FGF14: variants seen among roughly 807,000 people sequenced by gnomAD.
FGF14 encodes fibroblast growth factor 14, also known as fibroblast growth factor homologous factor 4.
Under a neutral mutation model 25.5 loss-of-function variants are expected in FGF14, and 5 were observed. The ratio of observed to expected loss-of-function variants is 0.20; its 90% CI spans 0.10 to 0.41. The LOEUF is 0.41. Among genes scored for constraint, FGF14 ranks in the 10% least tolerant of loss-of-function variants. The pLI, the probability that FGF14 is intolerant of heterozygous loss-of-function variation, is 1.00. For synonymous variants in FGF14, 138 were observed against 118.3 expected (o/e 1.17, Z -1.08); for missense variants, 222 against 320.1 (o/e 0.69, Z 2.34).
intron 1 of FGF14, among the ~76,000 whole-genome samples, chr13:102,307,061 G>C (rs908393175): frequency 3.3e-5 from 5 of 152,072 alleles, no homozygotes; most frequent in Admixed American, 6.6e-5. Context: ...CTTAAAAGTG[G>C]AGATTTCCCA....
intron 1 of FGF14, among the ~76,000 whole-genome samples, chr13:102,192,601 T>TAGGTA (rs1264147789): frequency 6.6e-6 from 1 of 152,180 alleles, no homozygotes; most frequent in African/African-American, 2.4e-5. Context: ...CTTCAACAAT[T>TAGGTA]TGATTAGGTA....
chr13:101,990,113 A>G (rs2038814696), intron 1 of FGF14, among the ~76,000 whole-genome samples: 1 of 151,944 alleles, frequency 6.6e-6, no homozygotes. Flanking sequence ...AACAAGAAAA[A>G]CTCTAATTGA....
At chr13:102,300,928 C>G (rs931445821) in intron 1 of FGF14, among the ~76,000 whole-genome samples, 10 of 83,576 alleles carry the variant, frequency 1.2e-4, no homozygotes, top group Admixed American at 7.1e-4. Context: ...CAGACACACA[C>G]ACACACACAT....
intron 3 of FGF14, among the ~76,000 whole-genome samples, chr13:101,860,100 T>C (rs555469553): frequency 1.5e-4 from 23 of 152,196 alleles, no homozygotes; most frequent in Admixed American, 1.2e-3. Flanking sequence ...CAGGCTGATT[T>C]CTCCTTTGAG....
At chr13:102,075,770 C>T (rs896321898) in intron 1 of FGF14, among the ~76,000 whole-genome samples, 13 of 152,064 alleles carry the variant, frequency 8.5e-5, no homozygotes, top group African/African-American at 1.9e-4. Flanking sequence ...TGATTGCTCC[C>T]GAAAACTTTC....
At chr13:101,922,099 A>G (rs2034046609) in intron 1 of FGF14, among the ~76,000 whole-genome samples, 1 of 152,178 alleles carries the variant, frequency 6.6e-6, no homozygotes, top group Non-Finnish European at 1.5e-5. Flanking sequence ...CTCAATAAAG[A>G]TTTGTGTATT....
intron 1 of FGF14, among the ~76,000 whole-genome samples, chr13:102,153,628 C>G (rs2047187536): frequency 6.6e-6 from 1 of 151,874 alleles, no homozygotes; most frequent in Admixed American, 6.6e-5. Flanking sequence ...ATACAATTTA[C>G]CCTATTTATC....
intron 1 of FGF14, among the ~76,000 whole-genome samples, chr13:102,287,027 A>G (rs1324914538): frequency 1.3e-5 from 2 of 152,210 alleles, no homozygotes; most frequent in East Asian, 3.8e-4. Flanking sequence ...TACCTAATGT[A>G]AATGACGAGT....
intron 1 of FGF14, among the ~76,000 whole-genome samples, chr13:102,186,113 A>T (rs116811254): frequency 0.012 from 1,800 of 152,148 alleles, 32 homozygotes; most frequent in African/African-American, 0.036. Flanking sequence ...AGGTTAAAAA[A>T]ATATATATAT....
At chr13:102,213,547 G>A (rs759297246) in intron 1 of FGF14, among the ~76,000 whole-genome samples, 8 of 152,078 alleles carry the variant, frequency 5.3e-5, no homozygotes, top group Non-Finnish European at 7.4e-5. Flanking sequence ...AATAAATCAA[G>A]GCCCAAAGGA....
intron 3 of FGF14, among the ~76,000 whole-genome samples, chr13:101,813,335 T>C (rs1392296973): frequency 6.6e-6 from 1 of 152,192 alleles, no homozygotes. Flanking sequence ...AGGAGGTTAC[T>C]GAGGACTGAG....
chr13:102,135,145 C>T (rs889084670), intron 1 of FGF14, among the ~76,000 whole-genome samples: 3 of 151,960 alleles, frequency 2.0e-5, no homozygotes, highest in African/African-American at 7.3e-5. Context: ...GACTTCAAGG[C>T]TATAGTAAGC....
intron 1 of FGF14, among the ~76,000 whole-genome samples, chr13:102,189,172 G>A (rs1294724696): frequency 6.6e-6 from 1 of 152,036 alleles, no homozygotes; most frequent in Non-Finnish European, 1.5e-5. Flanking sequence ...CTGTGAGAAT[G>A]CTCATTTGGT....
chr13:102,270,577 G>A (rs2053198003), intron 1 of FGF14, among the ~76,000 whole-genome samples: 1 of 152,052 alleles, frequency 6.6e-6, no homozygotes, highest in Non-Finnish European at 1.5e-5. Flanking sequence ...CAACCTGCTT[G>A]CCAAGAATTT....
chr13:101,812,623 ATATATATATATATATATATATAT>A (rs1695085479), intron 3 of FGF14, among the ~76,000 whole-genome samples: 3 of 7,102 alleles, frequency 4.2e-4, no homozygotes, highest in Non-Finnish European at 8.5e-4. Flanking sequence ...ATATATATAT[ATATATATATATATATATATATAT>A]ATATATATTT....
rs553794955 is a variant in FGF14, at chr13:101,765,934, G to T, written c.409-39124C>A. ...AGTAGAGACGGGGTTTTGCCATGTT[G>T]GCCAGGCTGGTCTCAAACTCCTGAC... On this transcript the variant is annotated intron_variant, in intron 3 of 4. Coordinates refer to ENST00000376143, the MANE Select transcript of FGF14 (RefSeq NM_004115.4). 3.9e-5 allele frequency among the ~76,000 whole-genome samples: 6 copies of T among 152,036 alleles called. No homozygotes were observed. The East Asian group carries it at 1.2e-3, about 30-fold the overall frequency.
chr13:102,310,651 T>TTCTCTCTCTCTCTC (rs34400050), intron 1 of FGF14, among the ~76,000 whole-genome samples: 36 of 45,802 alleles, frequency 7.9e-4, no homozygotes, highest in Non-Finnish European at 9.6e-4. Context: ...CTCTTCCCGT[T>TTCTCTCTCTCTCTC]TCTCTCTCTC....
chr13:101,917,716 A>G (rs954828525), upstream of FGF14, among the ~76,000 whole-genome samples: 1 of 152,026 alleles, frequency 6.6e-6, no homozygotes, highest in African/African-American at 2.4e-5. Context: ...CTTCTGCTGC[A>G]GGAAGGGTAG....
intron 1 of FGF14, among the ~76,000 whole-genome samples, chr13:102,123,268 GAGA>G (rs1257949424): frequency 6.6e-6 from 1 of 151,890 alleles, no homozygotes; most frequent in Non-Finnish European, 1.5e-5. Flanking sequence ...CTACTAGACT[GAGA>G]AGAAGCTACA....
Sources: gnomAD v4.1 joint callset for allele counts (sites outside exome capture counted in the v4.1 genomes callset) on GRCh38, gnomAD v4.1.1 for gene constraint, MANE v1.5 for transcripts, NCBI Gene and HGNC (gene_info 2026-07-23, HGNC 2026-07-21) for gene names.